Variants in FRMD5 observed in about 807,000 individuals in gnomAD.
The protein encoded by FRMD5 is FERM domain-containing protein 5.
A neutral mutation model predicts 69.0 loss-of-function variants in FRMD5; 20 were observed. The ratio of observed to expected loss-of-function variants is 0.29; its 90% CI spans 0.20 to 0.42. The LOEUF (loss-of-function observed/expected upper bound fraction) is 0.42, where lower values mean the gene tolerates loss of function less well. FRMD5 is among the 10% of genes least tolerant of loss of function. FRMD5 has a pLI of 1.00. For missense variants in FRMD5, 595 were observed against 708.6 expected (o/e 0.84, Z 1.82); for synonymous variants, 271 against 260.1 (o/e 1.04, Z -0.40).
chr15:44,035,149 T>G (rs1005482998), intron 1 of FRMD5, among the ~76,000 whole-genome samples: 2 of 152,196 alleles, frequency 1.3e-5, no homozygotes, highest in African/African-American at 2.4e-5. Flanking sequence ...CCTGCAATCA[T>G]GGTGTCACAG....
chr15:43,956,453 A>G (rs1278238185), intron 1 of FRMD5, among the ~76,000 whole-genome samples: 1 of 152,182 alleles, frequency 6.6e-6, no homozygotes, highest in Non-Finnish European at 1.5e-5. Flanking sequence ...AAAAATAAAT[A>G]AATAAAATCA....
At chr15:43,880,213 A>AG (rs2088485352) in intron 13 of FRMD5, among the ~76,000 whole-genome samples, 1 of 152,202 alleles carries the variant, frequency 6.6e-6, no homozygotes, top group African/African-American at 2.4e-5. Flanking sequence ...CTGAAGTGGG[A>AG]GGAGGTAGTC....
At chr15:44,162,211 G>A (rs898603759) in intron 1 of FRMD5, among the ~76,000 whole-genome samples, 11 of 150,128 alleles carry the variant, frequency 7.3e-5, no homozygotes, top group Non-Finnish European at 1.5e-4. Context: ...TGATCCACTC[G>A]CCTCAGCCTC....
At chr15:44,196,455 G>A (rs985012475), upstream of FRMD5, among the ~76,000 whole-genome samples, 1 of 150,592 alleles carries the variant, frequency 6.6e-6, no homozygotes, top group South Asian at 2.1e-4. Context: ...ACAAGAGCAA[G>A]CCACCGTCTC....
At chr15:43,933,770 T>C (rs1217624739) in intron 1 of FRMD5, among the ~76,000 whole-genome samples, 1 of 152,240 alleles carries the variant, frequency 6.6e-6, no homozygotes. Context: ...TACCCAACTC[T>C]GGCTTGCAAG....
chr15:44,092,008 T>A (rs570638118), intron 1 of FRMD5, among the ~76,000 whole-genome samples: 33 of 152,262 alleles, frequency 2.2e-4, no homozygotes, highest in African/African-American at 7.2e-4. Flanking sequence ...GAAGCAGACT[T>A]TGAAGTATTT....
intron 1 of FRMD5, among the ~76,000 whole-genome samples, chr15:44,153,804 A>T (rs919503929): frequency 2.5e-4 from 38 of 152,184 alleles, no homozygotes; most frequent in Non-Finnish European, 1.5e-5. Context: ...CCCTGTCTCT[A>T]CAAAAATTCA....
At chr15:44,139,958 G>A (rs2077243806) in intron 1 of FRMD5, among the ~76,000 whole-genome samples, 1 of 151,838 alleles carries the variant, frequency 6.6e-6, no homozygotes, top group African/African-American at 2.4e-5. Flanking sequence ...ATTCCCCAAG[G>A]ATACAGCAAA....
intron 1 of FRMD5, among the ~76,000 whole-genome samples, chr15:44,113,119 C>G (rs943237119): frequency 6.6e-5 from 10 of 152,176 alleles, no homozygotes; most frequent in African/African-American, 2.2e-4. Context: ...GCAGGATTCT[C>G]CCTCACAAAC....
intron 1 of FRMD5, among the ~76,000 whole-genome samples, chr15:44,045,163 A>T (rs1892374036): frequency 6.6e-6 from 1 of 152,226 alleles, no homozygotes; most frequent in Non-Finnish European, 1.5e-5. Flanking sequence ...CTAAATGTTC[A>T]GTTCAGTGTA....
intron 1 of FRMD5, among the ~76,000 whole-genome samples, chr15:44,073,763 C>A (rs926659259): frequency 6.6e-5 from 10 of 152,240 alleles, no homozygotes; most frequent in African/African-American, 1.9e-4. Flanking sequence ...CCACATCCTT[C>A]CCAGACAAAA....
intron 1 of FRMD5, among the ~76,000 whole-genome samples, chr15:44,188,860 C>T (rs1044606789): frequency 3.9e-5 from 6 of 151,940 alleles, no homozygotes; most frequent in Non-Finnish European, 5.9e-5. Flanking sequence ...GAGTTCTAGG[C>T]ACTTCTGGAG....
At chr15:44,013,554 T>A (rs1047217621) in intron 1 of FRMD5, among the ~76,000 whole-genome samples, 1 of 152,216 alleles carries the variant, frequency 6.6e-6, no homozygotes, top group Admixed American at 6.5e-5. Context: ...AGTCAACGAA[T>A]AAAGTGTAGG....
rs2076743086 is a variant in FRMD5 at position 44,107,983 on chromosome 15, T to C, written c.102+86970A>G. 2.6e-5 allele frequency among the ~76,000 whole-genome samples: 4 copies of C among 152,290 alleles called. No homozygotes were observed. The South Asian group carries it at 8.3e-4, about 32-fold the overall frequency. ...AATTGGTTTGGATTTTGTTAAGTAG[T>C]CATGTGCACTGAGGTCAAAAGCTTA... On this transcript the variant is annotated intron_variant, in intron 1 of 13. Transcript: ENST00000417257.
intron 1 of FRMD5, among the ~76,000 whole-genome samples, chr15:44,175,547 C>T (rs1187277687): frequency 6.6e-6 from 1 of 152,044 alleles, no homozygotes; most frequent in African/African-American, 2.4e-5. Context: ...CTTTGGAAAA[C>T]AGTTTGGCAG....
rs547799083 is a variant in FRMD5 at position 43,959,533 on chromosome 15, G to A, written c.103-35224C>T. 2.6e-5 allele frequency among the ~76,000 whole-genome samples: 4 copies of A among 152,314 alleles called. No homozygotes were observed. In the South Asian group the frequency reaches 6.2e-4, roughly 24 times the overall value. On this transcript the variant is annotated intron_variant, in intron 1 of 13. Transcript: ENST00000417257. ...TAATAGCTGCAACTATAGAAGTCAG[G>A]TGAGCACAATGAACTGACTGGGAGA...
At chr15:43,968,150 A>G (rs970372346) in intron 1 of FRMD5, among the ~76,000 whole-genome samples, 4 of 152,104 alleles carry the variant, frequency 2.6e-5, no homozygotes, top group African/African-American at 9.7e-5. Context: ...CATACTTATC[A>G]TCCAGCTTCA....
chr15:44,188,136 A>T (rs1039657182), intron 1 of FRMD5, among the ~76,000 whole-genome samples: 6 of 152,174 alleles, frequency 3.9e-5, no homozygotes, highest in Non-Finnish European at 5.9e-5. Context: ...ATTTATTTTT[A>T]AAAAATATAC....
chr15:44,078,082 T>G (rs140490070), intron 1 of FRMD5, among the ~76,000 whole-genome samples: 1 of 151,780 alleles, frequency 6.6e-6, no homozygotes, highest in Non-Finnish European at 1.5e-5. Context: ...GGGAGGGGAG[T>G]CAATCTAAAA....
Sources: allele counts gnomAD v4.1 joint callset (sites outside exome capture counted in the v4.1 genomes callset), GRCh38; gene constraint gnomAD v4.1.1; transcripts MANE v1.5; gene names NCBI Gene and HGNC (gene_info 2026-07-23, HGNC 2026-07-21).